Variants in SAMD4A observed in about 807,000 individuals in gnomAD.
The protein encoded by SAMD4A is protein Smaug homolog 1.
A neutral mutation model predicts 81.3 loss-of-function variants in SAMD4A; 33 were observed. The ratio of observed to expected loss-of-function variants is 0.41; its 90% CI spans 0.31 to 0.54. SAMD4A has a LOEUF of 0.54. Among genes scored for constraint, SAMD4A ranks in the 20% least tolerant of loss-of-function variants. The pLI is 0.37. For missense variants in SAMD4A, 854 were observed against 951.1 expected (o/e 0.90, Z 1.34); for synonymous variants, 389 against 382.1 (o/e 1.02, Z -0.21).
At chr14:54,678,343 C>A (rs2036036678) in intron 2 of SAMD4A, among the ~76,000 whole-genome samples, 1 of 151,970 alleles carries the variant, frequency 6.6e-6, no homozygotes, top group African/African-American at 2.4e-5. Context: ...TGACCTGCCT[C>A]AGGGGAGAAG....
chr14:54,688,936 T>TC (rs2036355554), intron 2 of SAMD4A, among the ~76,000 whole-genome samples: 1 of 148,842 alleles, frequency 6.7e-6, no homozygotes, highest in South Asian at 2.2e-4. Context: ...TAATTCTTTT[T>TC]TTTTTTTTTT....
At chr14:54,580,725 A>G (rs1020157220) in intron 2 of SAMD4A, among the ~76,000 whole-genome samples, 4 of 152,290 alleles carry the variant, frequency 2.6e-5, no homozygotes, top group African/African-American at 7.2e-5. Flanking sequence ...ATACCTTTGT[A>G]TAGCACTAGT....
At chr14:54,587,305 T>C (rs1455429640) in intron 2 of SAMD4A, among the ~76,000 whole-genome samples, 2 of 152,214 alleles carry the variant, frequency 1.3e-5, no homozygotes, top group East Asian at 3.8e-4. Context: ...TGAATTCATT[T>C]ACTAGTTCTA....
intron 2 of SAMD4A, among the ~76,000 whole-genome samples, chr14:54,588,590 T>A (rs2033687975): frequency 6.6e-6 from 1 of 152,146 alleles, no homozygotes; most frequent in Admixed American, 6.5e-5. Flanking sequence ...AAGTATTTTT[T>A]TTGTACACTC....
intron 3 of SAMD4A, among the ~76,000 whole-genome samples, chr14:54,707,425 T>A (rs1257785112): frequency 6.6e-6 from 1 of 152,116 alleles, no homozygotes; most frequent in East Asian, 1.9e-4. Context: ...ATTGATTTAC[T>A]CATTTTTTCA....
intron 2 of SAMD4A, chr14:54,688,408 G>A: frequency 1.0e-6 from 1 of 967,038 alleles, no homozygotes; most frequent in Non-Finnish European, 1.2e-6. Flanking sequence ...GGTGGTTTGT[G>A]AGGGTGTGAG....
chr14:54,591,527 G>GTTTTTTTTTTT (rs55702356), intron 2 of SAMD4A, among the ~76,000 whole-genome samples: 2 of 147,120 alleles, frequency 1.4e-5, no homozygotes. Context: ...CCTGTATTTT[G>GTTTTTTTTTTT]TTTTTTTTTT....
intron 3 of SAMD4A, chr14:54,703,871 A>C (rs1248194637): frequency 6.6e-6 from 1 of 151,498 alleles, no homozygotes; most frequent in Non-Finnish European, 1.5e-5. Flanking sequence ...TCAGAAGAGA[A>C]AAAAAAAAGA....
At chr14:54,713,458 C>G (rs1307486821) in intron 3 of SAMD4A, among the ~76,000 whole-genome samples, 3 of 152,164 alleles carry the variant, frequency 2.0e-5, no homozygotes. Flanking sequence ...GCTCCAAAAT[C>G]TGGAAAATGC....
chr14:54,682,859 A>G (rs2036161567), intron 2 of SAMD4A, among the ~76,000 whole-genome samples: 1 of 152,224 alleles, frequency 6.6e-6, no homozygotes, highest in Admixed American at 6.5e-5. Context: ...GCCTGCTGAA[A>G]GAAAGGAAAT....
chr14:54,781,156 C>T (rs911614), intron 11 of SAMD4A, among the ~76,000 whole-genome samples: 85,498 of 152,058 alleles, frequency 0.56, 24,194 homozygotes, highest in East Asian at 0.66. Context: ...ATTGGCAAAA[C>T]GGGATTCTAT....
intron 2 of SAMD4A, among the ~76,000 whole-genome samples, chr14:54,672,782 C>T (rs900612126): frequency 1.3e-5 from 2 of 152,146 alleles, no homozygotes; most frequent in Non-Finnish European, 2.9e-5. Flanking sequence ...AGATCAATTA[C>T]CATAAAATGT....
chr14:54,571,770 C>T (rs908386115), intron 2 of SAMD4A, among the ~76,000 whole-genome samples: 7 of 152,192 alleles, frequency 4.6e-5, no homozygotes, highest in African/African-American at 1.7e-4. Context: ...ACAATTCTAA[C>T]TTTTTTAAAA....
intron 9 of SAMD4A, among the ~76,000 whole-genome samples, chr14:54,772,903 G>A (rs1283427903): frequency 1.3e-5 from 2 of 151,764 alleles, no homozygotes; most frequent in East Asian, 3.9e-4. Context: ...GTCTCATCAT[G>A]TGAAACTTAT....
At chr14:54,637,842 C>A (rs2035073664) in intron 2 of SAMD4A, among the ~76,000 whole-genome samples, 1 of 152,132 alleles carries the variant, frequency 6.6e-6, no homozygotes, top group Admixed American at 6.5e-5. Flanking sequence ...TTTATTTCTC[C>A]TTTGTTTCAT....
At chr14:54,723,511 G>T (rs2037316058) in intron 3 of SAMD4A, among the ~76,000 whole-genome samples, 1 of 152,122 alleles carries the variant, frequency 6.6e-6, no homozygotes, top group African/African-American at 2.4e-5. Context: ...CTTGGTCCTG[G>T]TGCATTACCA....
At chr14:54,592,550 C>A (rs1020526950) in intron 2 of SAMD4A, among the ~76,000 whole-genome samples, 1 of 152,114 alleles carries the variant, frequency 6.6e-6, no homozygotes, top group Non-Finnish European at 1.5e-5. Flanking sequence ...AGCTCTGCCT[C>A]CCGGGTTCAC....
chr14:54,733,571 G>A (rs1456598003), intron 3 of SAMD4A, among the ~76,000 whole-genome samples: 2 of 152,112 alleles, frequency 1.3e-5, no homozygotes, highest in Non-Finnish European at 2.9e-5. Context: ...ATAAATTGAG[G>A]ACCTCAGTTC....
chr14:54,602,375 C>CACAT (rs1491307995), intron 2 of SAMD4A, among the ~76,000 whole-genome samples: 29 of 134,558 alleles, frequency 2.2e-4, no homozygotes, highest in African/African-American at 7.7e-4. Flanking sequence ...CACACACACA[C>CACAT]GAAACACCAG....
Sources: gnomAD v4.1 joint callset for allele counts (sites outside exome capture counted in the v4.1 genomes callset) on GRCh38, gnomAD v4.1.1 for gene constraint, MANE v1.5 for transcripts, NCBI Gene and HGNC (gene_info 2026-07-23, HGNC 2026-07-21) for gene names.